LDB1: variants seen among roughly 807,000 people sequenced by gnomAD.
The protein encoded by LDB1 is LIM domain-binding protein 1.
A neutral mutation model predicts 49.7 loss-of-function variants in LDB1; 6 were observed. The ratio of observed to expected loss-of-function variants is 0.12; its 90% CI spans 0.07 to 0.24. The LOEUF (loss-of-function observed/expected upper bound fraction) is 0.24, where lower values mean the gene tolerates loss of function less well. Ranked by LOEUF, LDB1 falls within the 10% of genes least tolerant of loss-of-function variation. The probability of loss-of-function intolerance (pLI) is 1.00; values close to 1 mark genes in which losing one functional copy is unlikely to be tolerated. For missense variants in LDB1, 341 were observed against 561.7 expected (o/e 0.61, Z 3.97); for synonymous variants, 233 against 202.0 (o/e 1.15, Z -1.30).
upstream of LDB1, chr10:102,120,417 C>T (rs890702857): frequency 5.1e-6 from 5 of 981,836 alleles, no homozygotes; most frequent in African/African-American, 8.8e-5. Flanking sequence ...CTGTGCGCTC[C>T]CGCCGCCGTC....
upstream of LDB1, among the ~76,000 whole-genome samples, chr10:102,120,772 A>G (rs1241431725): frequency 2.6e-5 from 4 of 152,082 alleles, no homozygotes; most frequent in African/African-American, 9.7e-5. Flanking sequence ...GTGCCGCCGG[A>G]TGGGGAGTCT....
chr10:102,111,671 C>G, intron 1 of LDB1, 135 bp from the exon 2 acceptor site: 1 of 530,382 alleles, frequency 1.9e-6, no homozygotes, highest in Middle Eastern at 3.5e-4. Flanking sequence ...GGCAACATAG[C>G]GAGACCTCGT....
At position 102,111,136 on chromosome 10, in the gene LDB1, G is replaced by A. The variant is rs1345683599; in HGVS notation, c.182C>T (p.Thr61Ile). 6.2e-7 allele frequency: 1 copy of A among 1,614,000 alleles called. No homozygotes were observed. The highest frequency in any genetic ancestry group is 8.5e-7 in the Non-Finnish European group (1 of 1,179,994). ...GTAGTCAGTTTGGTTGCCATATGGT[G>A]TGTGCCTCCTGGAGGAAGTGAAGGA... ...TYLEPGIGRH[T>I]PYGNQTDYRI... is the part of the protein sequence containing the mutation. The change falls in exon 4 of 11, where the codon ACA becomes ATA. Residue 61 changes from threonine to isoleucine, a missense_variant. Coordinates refer to ENST00000673968, the MANE Select transcript of LDB1 (RefSeq NM_001113407.3).
At chr10:102,115,867 G>A (rs1160155735) in intron 1 of LDB1, among the ~76,000 whole-genome samples, 3 of 152,006 alleles carry the variant, frequency 2.0e-5, no homozygotes, top group Non-Finnish European at 4.4e-5. Context: ...CTTGGGTAGT[G>A]GGCCAGACCT....
upstream of LDB1, among the ~76,000 whole-genome samples, chr10:102,120,786 T>TGAGCCGGAGCCG (rs543137627): frequency 6.6e-6 from 1 of 152,094 alleles, no homozygotes; most frequent in South Asian, 2.1e-4. Context: ...GGAGTCTGGC[T>TGAGCCGGAGCCG]GAGCCGGAGC....
chr10:102,109,539 G>C lies in LDB1; in HGVS notation c.733-32C>G. 6.2e-7 allele frequency: 1 copy of C among 1,614,110 alleles called. No homozygotes were observed. The highest frequency in any genetic ancestry group is 8.5e-7 in the Non-Finnish European group (1 of 1,179,988). On this transcript the variant is annotated intron_variant, in intron 8 of 10. Coordinates refer to ENST00000673968, the MANE Select transcript of LDB1 (RefSeq NM_001113407.3). This position sits in a 1 kb window ranked among gnomAD's most constrained non-coding sequence, Gnocchi z 5.8. ...GTAGACAAGGAGGTGGCTTGTCAGG[G>C]GACAGACATGGAGCCGAGACTAAAT...
chr10:102,113,903 A>T (rs59485115), intron 1 of LDB1, among the ~76,000 whole-genome samples: 11,915 of 152,258 alleles, frequency 0.078, 576 homozygotes, highest in African/African-American at 0.14. Context: ...GAATGGACAC[A>T]AACTCAGCAT....
chr10:102,112,599 C>T (rs2068271445), intron 1 of LDB1, among the ~76,000 whole-genome samples: 1 of 151,460 alleles, frequency 6.6e-6, no homozygotes, highest in African/African-American at 2.4e-5. Context: ...GCCCAGCCCC[C>T]ACCCCCGCCC....
Position 102,120,093 on chromosome 10 carries a change from G to T in LDB1, c.18C>A (p.Ala6=). The T allele has an allele frequency of 7.0e-7, 1 of 1,423,214 alleles. No individual in the cohort carries two copies. Among genetic ancestry groups the T allele is most frequent in the Non-Finnish European group, 9.3e-7 (1 of 1,079,496 alleles). The allele number at this position is 1,423,214 out of a possible 1,614,324, so 88.2% of individuals were successfully genotyped here. A position where few individuals can be genotyped will look rare whatever the true frequency, so the allele number is the denominator to read the frequency against. ...GCCGCACGCCCCACTCACCAGGACA[G>T]GCACAGCCCACTGACATCTTCACAT... MSVGC[A]CPGCSSKSFK... is the part of the protein sequence containing the mutation. The change falls in exon 1 of 11, where the codon GCC becomes GCA. Residue 6 remains alanine (A), a synonymous_variant. Coordinates refer to ENST00000673968, the MANE Select transcript of LDB1 (RefSeq NM_001113407.3).
rs943370841 is a variant in LDB1 at position 102,107,056 on chromosome 10, G to T, written c.*1037C>A. ...GGCTGAGGGAAGATTCTGGAGGAAAGTGGCTGAGCCCCTCTCCCATCCCAT... is the reference window on the plus strand; with the variant it reads ...GGCTGAGGGAAGATTCTGGAGGAAATTGGCTGAGCCCCTCTCCCATCCCAT... On this transcript the variant is annotated 3_prime_UTR_variant, in exon 11 of 11. Coordinates refer to ENST00000673968, the MANE Select transcript of LDB1 (RefSeq NM_001113407.3). 1.3e-5 allele frequency among the ~76,000 whole-genome samples: 2 copies of T among 152,118 alleles called. No individual in the cohort carries two copies. Among genetic ancestry groups the T allele is most frequent in the Non-Finnish European group, 2.9e-5 (2 of 68,026 alleles).
In LDB1 at chr10:102,110,648, C is replaced by T. The variant is rs1435826108; in HGVS notation, c.406G>A (p.Ala136Thr). Reference sequence around the variant, plus strand: ...TTAAGAACATAGTACAGCTCCGTAGCACCCCCCTCAAAGATGCTGCGGAAG... The same window carrying T: ...TTAAGAACATAGTACAGCTCCGTAGTACCCCCCTCAAAGATGCTGCGGAAG... ...RYFRSIFEGG[A>T]TELYYVLKHP... The change falls in exon 6 of 11, where the codon GCT becomes ACT. Residue 136 changes from alanine (A) to threonine (T), a missense_variant. Ala to Thr is a moderately conservative substitution (Grantham distance 58). Coordinates refer to ENST00000673968, the MANE Select transcript of LDB1 (RefSeq NM_001113407.3). 1 of 1,613,950 alleles carries T rather than the reference C, an allele frequency of 6.2e-7. No homozygotes were observed.
chr10:102,107,931 A>G lies in LDB1; in HGVS notation c.*162T>C. On this transcript the variant is annotated 3_prime_UTR_variant, in exon 11 of 11. Coordinates refer to ENST00000673968, the MANE Select transcript of LDB1 (RefSeq NM_001113407.3). ...CCCAGCCCAGGGCCACTGGGGGGGC[A>G]AATCTTGGCACCTGCCCCCAGAGAG... 1.5e-6 allele frequency: 1 copy of G among 687,042 alleles called. No homozygotes were observed. The highest frequency in any genetic ancestry group is 2.5e-5 in the East Asian group (1 of 39,434). 42.6% of individuals were successfully genotyped at this position (687,042 alleles called of 1,614,324 possible).
At position 102,107,484 on chromosome 10, in the gene LDB1, G is replaced by GC. The variant is rs1180742610; in HGVS notation, c.*608dup. The GC allele has an allele frequency of 3.3e-5, 5 of 153,156 alleles. No homozygotes were observed. The highest frequency in any genetic ancestry group is 3.2e-4 in the Admixed American group (5 of 15,506). 9.5% of individuals were successfully genotyped at this position (153,156 alleles called of 1,614,324 possible). Reference sequence around the variant, plus strand: ...CTCCCCCACTCTCACCCCCACCTAGGCCCTAGGCCCCCATCTGCCAAGAGT... The same window carrying GC: ...CTCCCCCACTCTCACCCCCACCTAGGCCCCTAGGCCCCCATCTGCCAAGAGT... On this transcript the variant is annotated 3_prime_UTR_variant, in exon 11 of 11. Coordinates refer to ENST00000673968, the MANE Select transcript of LDB1 (RefSeq NM_001113407.3).
chr10:102,109,747 ATCATC>A lies in LDB1; in HGVS notation c.649-69_649-65del. 1 of 1,555,082 alleles carries A rather than the reference ATCATC, an allele frequency of 6.4e-7. No homozygotes were observed. Among genetic ancestry groups the A allele is most frequent in the Non-Finnish European group, 8.9e-7 (1 of 1,127,102 alleles). On this transcript the variant is annotated intron_variant, in intron 7 of 10. Transcript: ENST00000673968. This position sits in a 1 kb window ranked among gnomAD's most constrained non-coding sequence, Gnocchi z 5.8. Reference sequence around the variant, plus strand: ...TGGGTTGCCTCTGCTCACCTGCCCTATCATCTGAGCATTGTGACACTCCTGAGAGA... The same window carrying A: ...TGGGTTGCCTCTGCTCACCTGCCCTATGAGCATTGTGACACTCCTGAGAGA...
chr10:102,114,301 C>T, intron 1 of LDB1: 2 of 983,112 alleles, frequency 2.0e-6, no homozygotes, highest in Non-Finnish European at 2.4e-6. Context: ...AGCGCCCCGG[C>T]GGCTCTGGGC....
In LDB1 at chr10:102,107,241, G is replaced by C. The variant is rs1040350894; in HGVS notation, c.*852C>G. On this transcript the variant is annotated 3_prime_UTR_variant, in exon 11 of 11. Transcript: ENST00000673968. ...ATACCATGGGGGTGGGGCTGGAAGAGAGGGAGTCACAAGCACTAGGAGGGC... is the reference window on the plus strand; with the variant it reads ...ATACCATGGGGGTGGGGCTGGAAGACAGGGAGTCACAAGCACTAGGAGGGC... Among the ~76,000 whole-genome samples the C allele has an allele frequency of 3.9e-5, 6 of 152,126 alleles. No individual in the cohort carries two copies. Among genetic ancestry groups the C allele is most frequent in the Admixed American group, 2.6e-4 (4 of 15,282 alleles).
chr10:102,107,192 G>A lies in LDB1; in HGVS notation c.*901C>T, dbSNP rs1182455695. Among the ~76,000 whole-genome samples, 2 of 152,130 alleles carry A rather than the reference G, an allele frequency of 1.3e-5. No individual in the cohort carries two copies. The highest frequency in any genetic ancestry group is 1.9e-4 in the East Asian group (1 of 5,182). On this transcript the variant is annotated 3_prime_UTR_variant, in exon 11 of 11. Coordinates refer to ENST00000673968, the MANE Select transcript of LDB1 (RefSeq NM_001113407.3). ...CCCCGCATCCTAGACAGCTGCTCTT[G>A]TGGAGGACTTGTAAGGAATATACAT... is the stretch of plus-strand genomic sequence containing the variant.
At chr10:102,119,547 C>G (rs993530091) in intron 1 of LDB1, among the ~76,000 whole-genome samples, 1 of 151,924 alleles carries the variant, frequency 6.6e-6, no homozygotes, top group South Asian at 2.1e-4. Flanking sequence ...CCTCCGGTGC[C>G]TCAGGAGGGC....
chr10:102,114,282 G>A (rs2068299473), intron 1 of LDB1: 2 of 955,174 alleles, frequency 2.1e-6, no homozygotes, highest in Non-Finnish European at 2.5e-6. Flanking sequence ...CCACAGGTCA[G>A]CAGGCCTGAG....
Sources: allele counts gnomAD v4.1 joint callset (sites outside exome capture counted in the v4.1 genomes callset), GRCh38; gene constraint gnomAD v4.1.1; non-coding constraint Gnocchi (gnomAD v3.1); transcripts MANE v1.5; gene names NCBI Gene and HGNC (gene_info 2026-07-23, HGNC 2026-07-21).